Variants in USP2 observed in about 807,000 individuals in gnomAD.
USP2 encodes the protein ubiquitin specific peptidase 2.
A neutral mutation model predicts 72.0 loss-of-function variants in USP2; 33 were observed. The observed-to-expected ratio is 0.46, with a 90% CI of 0.35 to 0.61. The LOEUF (loss-of-function observed/expected upper bound fraction) is 0.61, where lower values mean the gene tolerates loss of function less well. Among genes scored for constraint, USP2 ranks in the 20% least tolerant of loss-of-function variants. USP2 has a pLI of 0.01. For missense variants in USP2, 691 were observed against 797.8 expected, an observed-to-expected ratio of 0.87 and a Z score of 1.61; for synonymous variants, 296 against 312.5, an observed-to-expected ratio of 0.95 and a Z score of 0.56.
chr11:119,365,935 C>G (rs1032549949), intron 2 of USP2, among the ~76,000 whole-genome samples: 1 of 151,310 alleles, frequency 6.6e-6, no homozygotes, highest in Admixed American at 6.6e-5. Flanking sequence ...TGCTCTGTCG[C>G]CCAGGCTGGA....
At position 119,372,860 on chromosome 11, in the gene USP2, AC is replaced by A; in HGVS notation, c.620del (p.Ser207MetfsTer52). The stretch of plus-strand genomic sequence containing the variant: ...GGGCCTGGGAGGGCACCTGAGATGC[AC>A]TGCCCTTGCGACCATAGTTCTCCAG... ...DYLENYGRKG[S>X]ASQVPSQAPP... is the part of the protein sequence containing the mutation. On this transcript the variant is annotated frameshift_variant, in exon 2 of 13. Transcript: ENST00000260187. LOFTEE classifies it high-confidence loss of function. The A allele has an allele frequency of 6.2e-7, 1 of 1,607,718 alleles. No homozygotes were observed. Among genetic ancestry groups the A allele is most frequent in the Non-Finnish European group, 8.5e-7 (1 of 1,177,582 alleles).
rs182786431 is a variant in USP2 at position 119,379,337 on chromosome 11, C to G, written c.-42+2136G>C. 123 of 719,828 alleles carry G rather than the reference C, an allele frequency of 1.7e-4. 3 individuals are homozygous for G. The Admixed American group carries it at 9.7e-3, about 57-fold the overall frequency. 44.6% of individuals were successfully genotyped at this position (719,828 alleles called of 1,614,324 possible). A position where few individuals can be genotyped will look rare whatever the true frequency, so the allele number is the denominator to read the frequency against. ...TTTGAAGGGGAACAATCGGGAGATT[C>G]AAGAGGAAAGAGCATTGAAAAGAGC... On this transcript the variant is annotated intron_variant, in intron 1 of 12. Coordinates refer to ENST00000260187, the MANE Select transcript of USP2 (RefSeq NM_004205.5).
chr11:119,374,870 A>C (rs904119912), intron 1 of USP2, among the ~76,000 whole-genome samples: 4 of 152,170 alleles, frequency 2.6e-5, no homozygotes, highest in Non-Finnish European at 5.9e-5. Flanking sequence ...CTGAGCCCCA[A>C]CTTCCTCATC....
intron 11 of USP2, 37 bp downstream of exon 11, chr11:119,357,446 C>T (rs767089861): frequency 6.2e-7 from 1 of 1,613,646 alleles, no homozygotes; most frequent in East Asian, 2.2e-5. Flanking sequence ...TGCACACCTG[C>T]GTCTTCATTC....
intron 1 of USP2, among the ~76,000 whole-genome samples, chr11:119,378,687 G>A (rs1951029070): frequency 6.6e-6 from 1 of 152,146 alleles, no homozygotes; most frequent in Non-Finnish European, 1.5e-5. Context: ...GTGAGTGGGT[G>A]GGCATCTATA....
chr11:119,357,137 G>A (rs758125226), intron 12 of USP2, 50 bp downstream of exon 12: 1 of 1,600,098 alleles, frequency 6.2e-7, no homozygotes. Context: ...AGGAGTGGGG[G>A]GAGAGTGGGT....
chr11:119,371,391 C>T (rs1222298983), intron 2 of USP2, among the ~76,000 whole-genome samples: 1 of 152,148 alleles, frequency 6.6e-6, no homozygotes, highest in African/African-American at 2.4e-5. Flanking sequence ...TACTTCCCCA[C>T]CATGCCAGCT....
chr11:119,355,610 G>T lies in USP2; in HGVS notation c.*1225C>A, dbSNP rs1439132112. 2.0e-5 allele frequency: 3 copies of T among 152,310 alleles called. No individual in the cohort carries two copies. The highest frequency in any genetic ancestry group is 4.4e-5 in the Non-Finnish European group (3 of 68,132). The allele number at this position is 152,310 out of a possible 1,614,324, so 9.4% of individuals were successfully genotyped here. A position where few individuals can be genotyped will look rare whatever the true frequency, so the allele number is the denominator to read the frequency against. ...CTGGAGACCAGCGCTAAGAAGAGCT[G>T]AGGGGTGGCCTGGGCATCCCTGAGA... On this transcript the variant is annotated 3_prime_UTR_variant, in exon 13 of 13. Coordinates refer to ENST00000260187, the MANE Select transcript of USP2 (RefSeq NM_004205.5).
rs1362713604 is a variant in USP2, at chr11:119,356,703, G to C, written c.*132C>G. 4 of 956,472 alleles carry C rather than the reference G, an allele frequency of 4.2e-6. No individual in the cohort carries two copies. Among genetic ancestry groups the C allele is most frequent in the Non-Finnish European group, 6.1e-6 (4 of 650,428 alleles). 59.2% of individuals were successfully genotyped at this position (956,472 alleles called of 1,614,324 possible). A position where few individuals can be genotyped will look rare whatever the true frequency, so the allele number is the denominator to read the frequency against. ...CCCTGATCAGGCTGCATCCACTCCTGCTCGGCAGCTTCAGGTTTGTTTTTC... is the reference window on the plus strand; with the variant it reads ...CCCTGATCAGGCTGCATCCACTCCTCCTCGGCAGCTTCAGGTTTGTTTTTC... On this transcript the variant is annotated 3_prime_UTR_variant, in exon 13 of 13. Coordinates refer to ENST00000260187, the MANE Select transcript of USP2 (RefSeq NM_004205.5).
At position 119,357,113 on chromosome 11, in the gene USP2, T is replaced by TG. The variant is rs1261168137; in HGVS notation, c.1730+73dup. 22 of 682,612 alleles carry TG rather than the reference T, an allele frequency of 3.2e-5. No individual in the cohort carries two copies. The South Asian group carries it at 3.8e-4, about 12-fold the overall frequency. The allele number at this position is 682,612 out of a possible 1,614,324, so 42.3% of individuals were successfully genotyped here. ...GCGGGGGGTGGGAGGGGGGTGGGTT[T>TG]GGGGGGAGGGTGGAGGAGTGGGGGG... On this transcript the variant is annotated intron_variant, in intron 12 of 12. Transcript: ENST00000260187.
chr11:119,360,699 A>G (rs1209778608), intron 2 of USP2, among the ~76,000 whole-genome samples: 4 of 152,156 alleles, frequency 2.6e-5, no homozygotes, highest in African/African-American at 9.7e-5. Context: ...TGCTGGGATT[A>G]CAGGCGTGAG....
chr11:119,360,775 T>C (rs184557781), intron 2 of USP2, among the ~76,000 whole-genome samples: 1 of 152,300 alleles, frequency 6.6e-6, no homozygotes, highest in Non-Finnish European at 1.5e-5. Context: ...CAGGGCTTTA[T>C]TGAGTGTGTA....
At chr11:119,363,953 CGGG>C in intron 2 of USP2, 1 of 77,432 alleles carries the variant, frequency 1.3e-5, no homozygotes, top group Non-Finnish European at 2.0e-5. Context: ...AAGGGGGCGG[CGGG>C]GGGGTCCTCG....
Position 119,359,245 on chromosome 11 carries a change from G to A in USP2, c.1047C>T (p.Arg349=), listed in dbSNP as rs1950723719. 2 of 1,613,956 alleles carry A rather than the reference G, an allele frequency of 1.2e-6. No homozygotes were observed. The highest frequency in any genetic ancestry group is 8.5e-7 in the Non-Finnish European group (1 of 1,179,920). ...AAGGCCCTTACTTATAGCCAACAAA[G>A]CGCGGTGCGTATCTCTGGATCTGGG... ...FKTQIQRYAP[R]FVGYNQQDAQ... is the part of the protein sequence containing the mutation. Residue 349 remains arginine, a synonymous_variant, in exon 5 of 13, where the codon CGC becomes CGT. Transcript: ENST00000260187.
In USP2 at chr11:119,373,004, G is replaced by A; in HGVS notation, c.477C>T (p.Tyr159=). 2 of 1,613,858 alleles carry A rather than the reference G, an allele frequency of 1.2e-6. No homozygotes were observed. Among genetic ancestry groups the A allele is most frequent in the South Asian group, 1.1e-5 (1 of 91,088 alleles). Residue 159 remains tyrosine (Y), a synonymous_variant, in exon 2 of 13, where the codon TAC becomes TAT. Coordinates refer to ENST00000260187, the MANE Select transcript of USP2 (RefSeq NM_004205.5). The stretch of plus-strand genomic sequence containing the variant: ...GGCCCAGGTTCCTGGGGTCTATCCG[G>A]TAGCTATCTGAGGTCCGGAGGCTGG... The part of the protein sequence containing the change: ...DFSSLRTSDS[Y]RIDPRNLGRS...
chr11:119,363,682 C>A (rs998351635), intron 2 of USP2, among the ~76,000 whole-genome samples: 47 of 149,894 alleles, frequency 3.1e-4, no homozygotes, highest in African/African-American at 1.1e-3. Context: ...AGTAAGCGTG[C>A]GATCACCTGA....
At chr11:119,371,248 C>T (rs918880742) in intron 2 of USP2, among the ~76,000 whole-genome samples, 1 of 152,054 alleles carries the variant, frequency 6.6e-6, no homozygotes, top group Admixed American at 6.6e-5. Context: ...GAGGGAGCCC[C>T]GCAGAGGCTT....
chr11:119,372,260 T>C (rs1053986006), intron 2 of USP2, among the ~76,000 whole-genome samples: 1 of 152,202 alleles, frequency 6.6e-6, no homozygotes. Flanking sequence ...AGCCAGGCCT[T>C]GGGGCTAGGG....
rs967669997 is a variant in USP2, at chr11:119,376,148, C to T, written c.-41-2627G>A. The T allele has an allele frequency of 5.1e-6, 5 of 983,476 alleles. No individual in the cohort carries two copies. In the African/African-American group the frequency reaches 7.0e-5, roughly 14 times the overall value. The allele number at this position is 983,476 out of a possible 1,614,324, so 60.9% of individuals were successfully genotyped here. A position where few individuals can be genotyped will look rare whatever the true frequency, so the allele number is the denominator to read the frequency against. On this transcript the variant is annotated intron_variant, in intron 1 of 12. Transcript: ENST00000260187. ...TCCACATGTCTCTCCCCTCCCGCAA[C>T]CCCCAGTTTCACTCTCAAAGGTCCT...
Sources: gnomAD v4.1 joint callset for allele counts (sites outside exome capture counted in the v4.1 genomes callset) on GRCh38, gnomAD v4.1.1 for gene constraint, MANE v1.5 for transcripts, NCBI Gene and HGNC (gene_info 2026-07-23, HGNC 2026-07-21) for gene names.